Variants in RERE observed in about 807,000 individuals in gnomAD.
RERE encodes arginine-glutamic acid dipeptide repeats protein.
A neutral mutation model predicts 146.1 loss-of-function variants in RERE; 40 were observed. The ratio of observed to expected loss-of-function variants is 0.27; its 90% CI spans 0.21 to 0.36. RERE has a LOEUF of 0.36. Among genes scored for constraint, RERE ranks in the 10% least tolerant of loss-of-function variants. The pLI is 1.00. For missense variants in RERE, 1,933 were observed against 2,138.7 expected (o/e 0.90, Z 1.90); for synonymous variants, 1,003 against 866.0 (o/e 1.16, Z -2.78).
intron 2 of RERE, among the ~76,000 whole-genome samples, chr1:8,629,119 T>A (rs1426183671): frequency 6.6e-6 from 1 of 152,206 alleles, no homozygotes; most frequent in Non-Finnish European, 1.5e-5. Context: ...TCAGCATGCC[T>A]GTAATGGGCC....
chr1:8,359,822 TC>T lies in RERE; in HGVS notation c.3559del (p.Glu1187ArgfsTer70). ...KAREEREREKEKEKERERERE... is the reference protein window; with the variant it reads ...KAREEREREKXKEKERERERE... ...CTCCCGCTCCCGCTCCTTCTCCTTC[TC>T]CTTCTCCCGCTCTCGCTCCTCTCGG... On this transcript the variant is annotated frameshift_variant, in exon 19 of 23. Transcript: ENST00000400908. LOFTEE classifies it high-confidence loss of function. 1 of 1,607,884 alleles carries T rather than the reference TC, an allele frequency of 6.2e-7. No individual in the cohort carries two copies.
chr1:8,372,543 T>TGTGTGTGTGTGTGTGTGTGTGTG (rs6143112), intron 12 of RERE, among the ~76,000 whole-genome samples: 64 of 150,688 alleles, frequency 4.2e-4, no homozygotes, highest in East Asian at 2.3e-3. Context: ...TGTGTGTGTG[T>TGTGTGTGTGTGTGTGTGTGTGTG]TTTAAATTAA....
At chr1:8,699,946 A>G (rs1639411349) in intron 1 of RERE, among the ~76,000 whole-genome samples, 1 of 152,204 alleles carries the variant, frequency 6.6e-6, no homozygotes, top group Non-Finnish European at 1.5e-5. Flanking sequence ...CACATTTATA[A>G]TATCAGCTTT....
chr1:8,501,072 G>A (rs1280566544), intron 8 of RERE, among the ~76,000 whole-genome samples: 2 of 103,718 alleles, frequency 1.9e-5, no homozygotes, highest in Non-Finnish European at 4.0e-5. Context: ...CAGCCGCCCC[G>A]TCCGGGAGGT....
chr1:8,706,312 A>G (rs962108745), intron 1 of RERE, among the ~76,000 whole-genome samples: 2 of 152,094 alleles, frequency 1.3e-5, no homozygotes, highest in African/African-American at 2.4e-5. Flanking sequence ...TAAAAAGTCT[A>G]GTAAAAAGGA....
intron 10 of RERE, among the ~76,000 whole-genome samples, chr1:8,479,959 G>A (rs1199226471): frequency 1.3e-5 from 2 of 152,116 alleles, no homozygotes; most frequent in Admixed American, 6.5e-5. Flanking sequence ...TTTGTAGTAT[G>A]CTGTAGAATA....
chr1:8,610,552 C>T (rs563641715), intron 4 of RERE, among the ~76,000 whole-genome samples: 20 of 152,054 alleles, frequency 1.3e-4, no homozygotes, highest in African/African-American at 4.6e-4. Flanking sequence ...CGCACCATTG[C>T]ACTCCAGACG....
At chr1:8,367,607 C>T (rs1641863067) in intron 12 of RERE, among the ~76,000 whole-genome samples, 1 of 152,142 alleles carries the variant, frequency 6.6e-6, no homozygotes, top group South Asian at 2.1e-4. Context: ...CATCTCGGGA[C>T]AAGCACACTC....
intron 1 of RERE, among the ~76,000 whole-genome samples, chr1:8,752,243 C>T (rs531890130): frequency 1.3e-5 from 2 of 152,060 alleles, no homozygotes; most frequent in East Asian, 1.9e-4. Flanking sequence ...GGCGATCATA[C>T]GATGATGAAT....
intron 1 of RERE, among the ~76,000 whole-genome samples, chr1:8,705,897 A>ACC (rs2124448072): frequency 6.6e-6 from 1 of 152,212 alleles, no homozygotes; most frequent in African/African-American, 2.4e-5. Context: ...TGGGCAGATC[A>ACC]TGAGGTCAGG....
chr1:8,483,128 A>G (rs1557652423), intron 10 of RERE, among the ~76,000 whole-genome samples: 1 of 152,368 alleles, frequency 6.6e-6, no homozygotes, highest in East Asian at 1.9e-4. Flanking sequence ...CATAGAGCCT[A>G]TCAGCTTTAC....
chr1:8,535,448 AG>A (rs939588308), intron 7 of RERE, among the ~76,000 whole-genome samples: 3 of 152,216 alleles, frequency 2.0e-5, no homozygotes, highest in African/African-American at 4.8e-5. Flanking sequence ...TCATGTTCAT[AG>A]GAACTACACA....
intron 1 of RERE, among the ~76,000 whole-genome samples, chr1:8,711,157 CAAAAAAAAAAAAAAAA>C (rs57814312): frequency 5.9e-5 from 4 of 68,266 alleles, no homozygotes; most frequent in Admixed American, 2.3e-4. Context: ...ACTCTGTCTC[CAAAAAAAAAAAAAAAA>C]AAAAAAAAAA....
chr1:8,792,810 T>C (rs1476076784), intron 1 of RERE, among the ~76,000 whole-genome samples: 2 of 152,100 alleles, frequency 1.3e-5, no homozygotes, highest in African/African-American at 2.4e-5. Context: ...CGGGTATGTT[T>C]CTCAATATTA....
chr1:8,383,559 T>C (rs1170359640), intron 12 of RERE, among the ~76,000 whole-genome samples: 1 of 152,106 alleles, frequency 6.6e-6, no homozygotes, highest in Non-Finnish European at 1.5e-5. Context: ...CATACACTTA[T>C]GTTACAATTT....
chr1:8,358,113 C>T (rs1034904457), intron 20 of RERE, 83 bp downstream of exon 20: 109 of 1,515,032 alleles, frequency 7.2e-5, no homozygotes, highest in Non-Finnish European at 8.5e-5. Flanking sequence ...GAACAGTTTC[C>T]GCTCCTGGAT....
chr1:8,510,211 A>G lies in RERE; in HGVS notation c.831-1536T>C, dbSNP rs111960195. 6.0e-3 allele frequency among the ~76,000 whole-genome samples: 909 copies of G among 152,250 alleles called. 5 individuals carry two copies. Among genetic ancestry groups the G allele is most frequent in the African/African-American group, 0.02 (815 of 41,554 alleles). On this transcript the variant is annotated intron_variant, in intron 7 of 22. Transcript: ENST00000400908. ...AACACCAGAACAGGCCGATGCCCGT[A>G]TTCATCAACATAAGACACTTCAAAA...
intron 1 of RERE, among the ~76,000 whole-genome samples, chr1:8,722,370 ATACTAATATTTATTGAGTGC>A (rs1639880321): frequency 6.6e-6 from 1 of 152,250 alleles, no homozygotes; most frequent in African/African-American, 2.4e-5. Flanking sequence ...AATGACAGCG[ATACTAATATTTATTGAGTGC>A]TAACTGTACA....
At chr1:8,569,381 T>G (rs997519919) in intron 4 of RERE, among the ~76,000 whole-genome samples, 1 of 152,122 alleles carries the variant, frequency 6.6e-6, no homozygotes, top group African/African-American at 2.4e-5. Context: ...ATTAATGACT[T>G]CTTACACATG....
Sources: gnomAD v4.1 joint callset for allele counts (sites outside exome capture counted in the v4.1 genomes callset) on GRCh38, gnomAD v4.1.1 for gene constraint, MANE v1.5 for transcripts, NCBI Gene and HGNC (gene_info 2026-07-23, HGNC 2026-07-21) for gene names.